Variants in GREM1 observed in about 807,000 individuals in gnomAD.
GREM1 encodes gremlin-1.
Under a neutral mutation model 13.1 loss-of-function variants are expected in GREM1, and 6 were observed. The ratio of observed to expected loss-of-function variants is 0.46; its 90% CI spans 0.25 to 0.91. GREM1 has a LOEUF of 0.91. GREM1 is among the 40% of genes least tolerant of loss of function. The pLI is 0.18. For synonymous variants in GREM1, 98 were observed against 93.7 expected (o/e 1.05, Z -0.27); for missense variants, 185 against 233.9 (o/e 0.79, Z 1.36).
At chr15:32,719,259 C>T (rs1441494270) in intron 1 of GREM1, among the ~76,000 whole-genome samples, 1 of 152,268 alleles carries the variant, frequency 6.6e-6, no homozygotes, top group Non-Finnish European at 1.5e-5. Flanking sequence ...AGACGCGCCA[C>T]CGCTCTCGCT....
intron 1 of GREM1, among the ~76,000 whole-genome samples, chr15:32,729,079 A>G (rs1412069882): frequency 6.6e-6 from 1 of 150,410 alleles, no homozygotes; most frequent in Admixed American, 6.6e-5. Context: ...GCTGGAGTGC[A>G]GTGGCGCGAT....
Position 32,734,683 on chromosome 15 carries a change from G to A in GREM1, c.*3438G>A, listed in dbSNP as rs1262267107. 4 of 229,030 alleles carry A rather than the reference G, an allele frequency of 1.7e-5. No individual in the cohort carries two copies. Among genetic ancestry groups the A allele is most frequent in the South Asian group, 1.8e-4 (1 of 5,452 alleles). The allele number at this position is 229,030 out of a possible 1,614,324, so 14.2% of individuals were successfully genotyped here. A position where few individuals can be genotyped will look rare whatever the true frequency, so the allele number is the denominator to read the frequency against. ...ATTCTTTCTGTGTGTGTGAGCGTGC[G>A]TTTGTGTTTGGTAGTGTTCCTAGGG... On this transcript the variant is annotated 3_prime_UTR_variant, in exon 2 of 2. Transcript: ENST00000651154.
In GREM1 at chr15:32,737,928, C is replaced by CAAAAAAAAAAAAAAAAA. The variant is rs148936089; in HGVS notation, c.*6684_*6700dup. 1 of 36,678 alleles carries CAAAAAAAAAAAAAAAAA rather than the reference C, an allele frequency of 2.7e-5. No individual in the cohort carries two copies. Among genetic ancestry groups the CAAAAAAAAAAAAAAAAA allele is most frequent in the Non-Finnish European group, 5.4e-5 (1 of 18,644 alleles). The allele number at this position is 36,678 out of a possible 1,614,324, so 2.3% of individuals were successfully genotyped here. On this transcript the variant is annotated 3_prime_UTR_variant, in exon 2 of 2. Transcript: ENST00000651154. Reference sequence around the variant, plus strand: ...GGGCAACAAGAACAAAACTCTGTCTCAAAAAAAAAAAAAAAAAGAAAAGAA... The same window carrying CAAAAAAAAAAAAAAAAA: ...GGGCAACAAGAACAAAACTCTGTCTCAAAAAAAAAAAAAAAAAAAAAAAAAAAAAAAAAAGAAAAGAA...
chr15:32,736,946 T>G lies in GREM1; in HGVS notation c.*5701T>G, dbSNP rs900928277. On this transcript the variant is annotated 3_prime_UTR_variant, in exon 2 of 2. Transcript: ENST00000651154. ...AAGCCTCATGTGAGTAATAAATGTT[T>G]CATACTCTCTTGGGGTGTGTGTAAC... is the stretch of plus-strand genomic sequence containing the variant. 3 of 152,202 alleles carry G rather than the reference T, an allele frequency of 2.0e-5. No homozygotes were observed. The highest frequency in any genetic ancestry group is 7.2e-5 in the African/African-American group (3 of 41,460). The allele number at this position is 152,202 out of a possible 1,614,324, so 9.4% of individuals were successfully genotyped here. A position where few individuals can be genotyped will look rare whatever the true frequency, so the allele number is the denominator to read the frequency against.
intron 1 of GREM1, among the ~76,000 whole-genome samples, chr15:32,726,634 ATAAC>A: frequency 6.6e-6 from 1 of 152,142 alleles, no homozygotes; most frequent in African/African-American, 2.4e-5. Flanking sequence ...AAGACAAGAA[ATAAC>A]TAAGATCAGA....
chr15:32,722,356 G>A (rs1416174649), intron 1 of GREM1, among the ~76,000 whole-genome samples: 1 of 152,162 alleles, frequency 6.6e-6, no homozygotes, highest in Non-Finnish European at 1.5e-5. Context: ...TGATTCATCA[G>A]GAGGAACTGA....
At position 32,734,679 on chromosome 15, in the gene GREM1, G is replaced by A. The variant is rs1218004319; in HGVS notation, c.*3434G>A. On this transcript the variant is annotated 3_prime_UTR_variant, in exon 2 of 2. Coordinates refer to ENST00000651154, the MANE Select transcript of GREM1 (RefSeq NM_013372.7). ...ACCTATTCTTTCTGTGTGTGTGAGCGTGCGTTTGTGTTTGGTAGTGTTCCT... is the reference window on the plus strand; with the variant it reads ...ACCTATTCTTTCTGTGTGTGTGAGCATGCGTTTGTGTTTGGTAGTGTTCCT... The A allele has an allele frequency of 5.6e-5, 13 of 230,212 alleles. No homozygotes were observed. The highest frequency in any genetic ancestry group is 1.1e-4 in the Non-Finnish European group (12 of 111,666). 14.3% of individuals were successfully genotyped at this position (230,212 alleles called of 1,614,324 possible). A position where few individuals can be genotyped will look rare whatever the true frequency, so the allele number is the denominator to read the frequency against.
At position 32,743,240 on chromosome 15, in the gene GREM1, C is replaced by A. The variant is rs912988778; in HGVS notation, c.*11995C>A. 1 of 152,040 alleles carries A rather than the reference C, an allele frequency of 6.6e-6. No homozygotes were observed. The highest frequency in any genetic ancestry group is 2.4e-5 in the African/African-American group (1 of 41,410). The allele number at this position is 152,040 out of a possible 1,614,324, so 9.4% of individuals were successfully genotyped here. ...TAGAGGCTGGAAGAAAGATTTTTTT[C>A]TTTCTCTAGGATGACAAGTTATATA... is the stretch of plus-strand genomic sequence containing the variant. On this transcript the variant is annotated 3_prime_UTR_variant, in exon 2 of 2. Transcript: ENST00000651154.
chr15:32,725,496 T>C (rs2055486565), intron 1 of GREM1, among the ~76,000 whole-genome samples: 1 of 152,228 alleles, frequency 6.6e-6, no homozygotes, highest in South Asian at 2.1e-4. Flanking sequence ...TGCTTTTTTC[T>C]TGTAAATTTG....
At position 32,735,444 on chromosome 15, in the gene GREM1, T is replaced by A. The variant is rs562822305; in HGVS notation, c.*4199T>A. 3.9e-5 allele frequency: 6 copies of A among 152,304 alleles called. No homozygotes were observed. The highest frequency in any genetic ancestry group is 1.4e-4 in the African/African-American group (6 of 41,566). The allele number at this position is 152,304 out of a possible 1,614,324, so 9.4% of individuals were successfully genotyped here. ...TACTGTGGCACTGGGTCCTTAAACA[T>A]TATGCAAAACTGTGAGCAACTTTTA... On this transcript the variant is annotated 3_prime_UTR_variant, in exon 2 of 2. Coordinates refer to ENST00000651154, the MANE Select transcript of GREM1 (RefSeq NM_013372.7).
intron 1 of GREM1, among the ~76,000 whole-genome samples, chr15:32,723,729 C>T (rs1012284386): frequency 2.6e-5 from 4 of 151,782 alleles, no homozygotes; most frequent in Non-Finnish European, 5.9e-5. Flanking sequence ...AACTGAAAAC[C>T]ACAGTTGACT....
intron 1 of GREM1, among the ~76,000 whole-genome samples, chr15:32,721,060 G>T (rs1189525499): frequency 6.6e-6 from 1 of 152,214 alleles, no homozygotes; most frequent in African/African-American, 2.4e-5. Context: ...GGAGGCTGAG[G>T]CAGGAGAATT....
Position 32,733,131 on chromosome 15 carries a change from C to T in GREM1, c.*1886C>T. On this transcript the variant is annotated 3_prime_UTR_variant, in exon 2 of 2. Coordinates refer to ENST00000651154, the MANE Select transcript of GREM1 (RefSeq NM_013372.7). ...GATTTTCAAACTTTTAAACTCACTA[C>T]TGATGATTCTCACGCTAGGCGAATT... The T allele has an allele frequency of 4.3e-6, 1 of 231,732 alleles. No homozygotes were observed. Among genetic ancestry groups the T allele is most frequent in the Non-Finnish European group, 9.3e-6 (1 of 107,904 alleles). The allele number at this position is 231,732 out of a possible 1,614,324, so 14.4% of individuals were successfully genotyped here.
chr15:32,745,104 A>G lies in GREM1; in HGVS notation c.*13859A>G, dbSNP rs1281417073. The G allele has an allele frequency of 6.6e-6, 1 of 152,244 alleles. No homozygotes were observed. 9.4% of individuals were successfully genotyped at this position (152,244 alleles called of 1,614,324 possible). A position where few individuals can be genotyped will look rare whatever the true frequency, so the allele number is the denominator to read the frequency against. On this transcript the variant is annotated 3_prime_UTR_variant, in exon 2 of 2. Transcript: ENST00000651154. ...TTAGATAAATAAAATGATTTGCCTA[A>G]TGCCTCATGAGTGATTTGCTTTCTT...
rs1264576663 is a variant in GREM1, at chr15:32,742,633, A to G, written c.*11388A>G. On this transcript the variant is annotated 3_prime_UTR_variant, in exon 2 of 2. Coordinates refer to ENST00000651154, the MANE Select transcript of GREM1 (RefSeq NM_013372.7). ...TTCCTGATTTCAAAATATCCTGCAA[A>G]GGTACAGTAATCAAAACAGTATGTT... 6.6e-6 allele frequency: 1 copy of G among 152,222 alleles called. No homozygotes were observed. Among genetic ancestry groups the G allele is most frequent in the Non-Finnish European group, 1.5e-5 (1 of 68,030 alleles). The allele number at this position is 152,222 out of a possible 1,614,324, so 9.4% of individuals were successfully genotyped here.
In GREM1 at chr15:32,731,784, A is replaced by G. The variant is rs3743104; in HGVS notation, c.*539A>G. 118,841 of 235,998 alleles carry G rather than the reference A, an allele frequency of 0.5. 32,061 individuals carry two copies. The highest frequency in any genetic ancestry group is 0.58 in the Non-Finnish European group (64,250 of 110,786). The allele number at this position is 235,998 out of a possible 1,614,324, so 14.6% of individuals were successfully genotyped here. A position where few individuals can be genotyped will look rare whatever the true frequency, so the allele number is the denominator to read the frequency against. Reference sequence around the variant, plus strand: ...TGTCAGTCTAATCTCTTGTTTGCCAAGGTTCCTAAATTAATTCACTTAACC... The same window carrying G: ...TGTCAGTCTAATCTCTTGTTTGCCAGGGTTCCTAAATTAATTCACTTAACC... On this transcript the variant is annotated 3_prime_UTR_variant, in exon 2 of 2. Transcript: ENST00000651154.
At chr15:32,722,340 A>G (rs1044797473) in intron 1 of GREM1, among the ~76,000 whole-genome samples, 29 of 152,230 alleles carry the variant, frequency 1.9e-4, no homozygotes, top group African/African-American at 7.0e-4. Context: ...ATGTCTTTCT[A>G]AAGCTTGATT....
chr15:32,719,201 C>T (rs1407151701), intron 1 of GREM1, among the ~76,000 whole-genome samples: 1 of 152,242 alleles, frequency 6.6e-6, no homozygotes, highest in African/African-American at 2.4e-5. Context: ...GGGGCTGTCA[C>T]CTCCTTGCTG....
In GREM1 at chr15:32,743,458, T is replaced by C. The variant is rs937630904; in HGVS notation, c.*12213T>C. The C allele has an allele frequency of 2.0e-5, 3 of 152,240 alleles. No individual in the cohort carries two copies. The highest frequency in any genetic ancestry group is 2.9e-5 in the Non-Finnish European group (2 of 68,046). 9.4% of individuals were successfully genotyped at this position (152,240 alleles called of 1,614,324 possible). ...CTTTTGAAGTATCCTATAGTACTTA[T>C]ATATTGCTTGGTAACAAATTATGCC... is the stretch of plus-strand genomic sequence containing the variant. On this transcript the variant is annotated 3_prime_UTR_variant, in exon 2 of 2. Transcript: ENST00000651154.
Sources: gnomAD v4.1 joint callset for allele counts (sites outside exome capture counted in the v4.1 genomes callset) on GRCh38, gnomAD v4.1.1 for gene constraint, MANE v1.5 for transcripts, NCBI Gene and HGNC (gene_info 2026-07-23, HGNC 2026-07-21) for gene names.